Variants in NCOA1 observed in about 807,000 individuals in gnomAD.
NCOA1 encodes the protein Hin-2 protein.
NCOA1 carries 35 observed loss-of-function variants against 150.9 expected under a neutral mutation model. That is an observed-to-expected ratio of 0.23 (90% confidence interval 0.18 to 0.31). The LOEUF (loss-of-function observed/expected upper bound fraction) is 0.31, where lower values mean the gene tolerates loss of function less well. Ranked by LOEUF, NCOA1 falls within the 10% of genes least tolerant of loss-of-function variation. The pLI, the probability that NCOA1 is intolerant of heterozygous loss-of-function variation, is 1.00. For missense variants in NCOA1, 1,491 were observed against 1,749.3 expected, an observed-to-expected ratio of 0.85 and a Z score of 2.63; for synonymous variants, 590 against 630.0, an observed-to-expected ratio of 0.94 and a Z score of 0.95.
At chr2:24,692,212 T>G (rs1243079181) in intron 9 of NCOA1, among the ~76,000 whole-genome samples, 1 of 152,164 alleles carries the variant, frequency 6.6e-6, no homozygotes, top group Non-Finnish European at 1.5e-5. Context: ...TGGGCTAAGT[T>G]TAGAAAATCA....
chr2:24,663,787 C>T (rs182843940), intron 5 of NCOA1, among the ~76,000 whole-genome samples: 6 of 152,254 alleles, frequency 3.9e-5, no homozygotes, highest in Non-Finnish European at 7.4e-5. Flanking sequence ...TTTATAGACA[C>T]CTTGCCAGTT....
intron 17 of NCOA1, among the ~76,000 whole-genome samples, chr2:24,736,228 A>G (rs1663293962): frequency 6.6e-6 from 1 of 150,792 alleles, no homozygotes; most frequent in Non-Finnish European, 1.5e-5. Flanking sequence ...TCTCAAAAAA[A>G]AAAAAAAAAG....
At chr2:24,763,428 A>G (rs1425251656) in intron 22 of NCOA1, among the ~76,000 whole-genome samples, 1 of 150,612 alleles carries the variant, frequency 6.6e-6, no homozygotes, top group Admixed American at 6.6e-5. Context: ...AGTCCCAGCT[A>G]CTTGGGAGGC....
intron 2 of NCOA1, among the ~76,000 whole-genome samples, chr2:24,576,170 G>GTTTTTTTGTTTTTGTTTTTGTT (rs1666968831): frequency 8.6e-4 from 40 of 46,296 alleles, no homozygotes; most frequent in African/African-American, 2.3e-3. Flanking sequence ...TTTGTTTTTT[G>GTTTTTTTGTTTTTGTTTTTGTT]TTTTTTTTTT....
intron 4 of NCOA1, among the ~76,000 whole-genome samples, chr2:24,647,230 T>C (rs940453327): frequency 1.3e-5 from 2 of 152,160 alleles, no homozygotes; most frequent in African/African-American, 4.8e-5. Context: ...TGGGGCTATA[T>C]TGATGGGTTT....
intron 5 of NCOA1, chr2:24,659,240 T>C (rs1265214698): frequency 1.3e-5 from 2 of 158,430 alleles, no homozygotes; most frequent in Non-Finnish European, 2.8e-5. Context: ...GTGTGGCTTA[T>C]ATATAGTAAG....
intron 3 of NCOA1, among the ~76,000 whole-genome samples, chr2:24,621,553 ACCTCCTGGGTTC>A (rs55751342): frequency 7.2e-6 from 1 of 138,924 alleles, no homozygotes; most frequent in East Asian, 2.2e-4. Flanking sequence ...TGCAACCTCC[ACCTCCTGGGTTC>A]CCTCCTGGGT....
At chr2:24,561,682 T>A (rs911166884) in intron 1 of NCOA1, among the ~76,000 whole-genome samples, 3 of 152,112 alleles carry the variant, frequency 2.0e-5, no homozygotes, top group African/African-American at 7.2e-5. Context: ...ATAACAGAAG[T>A]ACACAGTACT....
Position 24,609,836 on chromosome 2 carries a change from A to G in NCOA1, c.-175+25276A>G, listed in dbSNP as rs552241133. 2.0e-5 allele frequency among the ~76,000 whole-genome samples: 3 copies of G among 151,854 alleles called. No homozygotes were observed. The East Asian group carries it at 5.8e-4, about 29-fold the overall frequency. ...ATTGATGGGAATACATTCTCTGAGT[A>G]TTGCTTTTACTACATTTTATGATTT... On this transcript the variant is annotated intron_variant, in intron 3 of 22. Coordinates refer to ENST00000348332, the MANE Select transcript of NCOA1 (RefSeq NM_003743.5).
At chr2:24,752,705 C>G (rs941228169) in intron 20 of NCOA1, among the ~76,000 whole-genome samples, 4 of 152,032 alleles carry the variant, frequency 2.6e-5, no homozygotes, top group Non-Finnish European at 4.4e-5. Context: ...CCAAGAATGG[C>G]AAATGTCAGA....
intron 3 of NCOA1, among the ~76,000 whole-genome samples, chr2:24,599,606 T>C (rs4665705): frequency 0.84 from 127,850 of 152,166 alleles, 54,595 homozygotes; most frequent in East Asian, 0.99. Context: ...GGAAGCCCCA[T>C]AAGTTGGAGG....
chr2:24,690,051 T>C (rs773444414), intron 8 of NCOA1, among the ~76,000 whole-genome samples: 18 of 152,254 alleles, frequency 1.2e-4, no homozygotes, highest in Non-Finnish European at 1.9e-4. Flanking sequence ...CTTGAAATGA[T>C]TCTTTCTATT....
chr2:24,731,670 A>G (rs1159814486), intron 17 of NCOA1, among the ~76,000 whole-genome samples: 5 of 152,222 alleles, frequency 3.3e-5, no homozygotes, highest in African/African-American at 1.2e-4. Context: ...TTAAAGGAAG[A>G]GAGAGGAAAA....
chr2:24,573,093 A>G (rs773894698), intron 2 of NCOA1, among the ~76,000 whole-genome samples: 1 of 152,148 alleles, frequency 6.6e-6, no homozygotes, highest in Non-Finnish European at 1.5e-5. Flanking sequence ...TTACTTGGTG[A>G]AGGTATTGAA....
intron 16 of NCOA1, 47 bp downstream of exon 16, chr2:24,728,523 C>A: frequency 6.6e-7 from 1 of 1,517,542 alleles, no homozygotes; most frequent in Middle Eastern, 1.7e-4. Flanking sequence ...CCCTAAGAAG[C>A]TAGAAAATTA....
chr2:24,520,046 G>C (rs1355119439), intron 1 of NCOA1, among the ~76,000 whole-genome samples: 1 of 152,150 alleles, frequency 6.6e-6, no homozygotes, highest in African/African-American at 2.4e-5. Context: ...CAGAAGTGTG[G>C]ATAAAATCCA....
chr2:24,718,868 CAAA>C (rs1275781024), intron 14 of NCOA1, among the ~76,000 whole-genome samples: 1 of 113,936 alleles, frequency 8.8e-6, no homozygotes, highest in Non-Finnish European at 1.9e-5. Context: ...GACTCTGTCT[CAAA>C]AAAAAAAAAA....
chr2:24,724,015 C>G, intron 14 of NCOA1, among the ~76,000 whole-genome samples: 1 of 152,076 alleles, frequency 6.6e-6, no homozygotes, highest in East Asian at 1.9e-4. Flanking sequence ...TTTCTATATC[C>G]TAATCTTGGA....
Position 24,673,377 on chromosome 2 carries a change from A to G in NCOA1, c.268A>G (p.Thr90Ala). 3 of 1,571,536 alleles carry G rather than the reference A, an allele frequency of 1.9e-6. No individual in the cohort carries two copies. Among genetic ancestry groups the G allele is most frequent in the Non-Finnish European group, 2.6e-6 (3 of 1,164,128 alleles). ...MKRMEQEKST[T>A]DDDVQKSDIS... The stretch of plus-strand genomic sequence containing the variant: ...TTTCTTTATTATAGAGAAATCAACA[A>G]CTGATGACGATGTACAGAAATCAGA... Residue 90 changes from threonine (T) to alanine (A), a missense_variant, in exon 7 of 23, where the codon ACT becomes GCT. Thr to Ala is a moderately conservative substitution (Grantham distance 58). This residue lies in a region of NCOA1 where 80 missense variants were observed against 163.0 expected (regional missense o/e 0.49). Coordinates refer to ENST00000348332, the MANE Select transcript of NCOA1 (RefSeq NM_003743.5).
Sources: gnomAD v4.1 joint callset for allele counts (sites outside exome capture counted in the v4.1 genomes callset) on GRCh38, gnomAD v4.1.1 for gene constraint, gnomAD v4.1.1 regional missense constraint, MANE v1.5 for transcripts, NCBI Gene and HGNC (gene_info 2026-07-23, HGNC 2026-07-21) for gene names.